The following PPP1R3F variants were observed in gnomAD, a reference collection of about 807,000 sequenced individuals.
PPP1R3F encodes protein phosphatase 1, regulatory (inhibitor) subunit 3F.
In PPP1R3F, 29 loss-of-function variants were observed where a neutral mutation model predicts 24.2. The ratio of observed to expected loss-of-function variants is 1.20; its 90% CI spans 0.89 to 1.63. The LOEUF is 1.63. Ranked by LOEUF, PPP1R3F falls within the 40% of genes most tolerant of loss-of-function variation. The pLI is 0.00. For synonymous variants in PPP1R3F, 363 were observed against 340.1 expected (o/e 1.07, Z -0.74); for missense variants, 823 against 729.3 (o/e 1.13, Z -1.48).
At chrX:49,292,185 T>C (rs1557122443), downstream of PPP1R3F, among the ~76,000 whole-genome samples, 1 of 111,374 alleles carries the variant, frequency 9.0e-6, no homozygotes, top group Admixed American at 9.5e-5. Context: ...TGGGTGTCCC[T>C]TGGAGCCTCC....
chrX:49,275,995 G>C (rs1557119976), intron 1 of PPP1R3F, among the ~76,000 whole-genome samples: 2 of 112,346 alleles, frequency 1.8e-5, no homozygotes. Flanking sequence ...ACAAGTCAGG[G>C]GCATCTTAGT....
chrX:49,270,558 C>T lies in PPP1R3F; in HGVS notation c.689C>T (p.Ser230Phe). 1 of 1,203,482 alleles carries T rather than the reference C, an allele frequency of 8.3e-7. No homozygotes were observed. Among genetic ancestry groups the T allele is most frequent in the Non-Finnish European group, 1.1e-6 (1 of 893,991 alleles). Residue 230 changes from serine (S) to phenylalanine (F), a missense_variant, in exon 1 of 4, where the codon TCC becomes TTC. By Grantham distance (155) the Ser-to-Phe change is radical. Coordinates refer to ENST00000055335, the MANE Select transcript of PPP1R3F (RefSeq NM_033215.5). ...CTCGGCCTGGGTCCCGGCCAGGCAT[C>T]CGCCTCCTCGCCCGACGACGGCGGC... ...PGLGLGPGQASASSPDDGGRT... is the reference protein window; with the variant it reads ...PGLGLGPGQAFASSPDDGGRT...
chrX:49,270,696 A>G lies in PPP1R3F; in HGVS notation c.827A>G (p.Asn276Ser), dbSNP rs2066172538. 5.0e-6 allele frequency: 6 copies of G among 1,208,556 alleles called. No homozygotes were observed. Among genetic ancestry groups the G allele is most frequent in the Non-Finnish European group, 6.7e-6 (6 of 894,057 alleles). The change falls in exon 1 of 4, where the codon AAC (asparagine) becomes AGC (serine). Residue 276 changes from asparagine (N) to serine (S), a missense_variant. Physicochemically the swap from Asn to Ser is conservative, Grantham distance 46 (BLOSUM62 1). Coordinates refer to ENST00000055335, the MANE Select transcript of PPP1R3F (RefSeq NM_033215.5). ...ETPEGTFWAN[N>S]HGRNYTVLLR... ...CCTGAGGGCACTTTCTGGGCCAACA[A>G]CCACGGCCGCAACTACACAGTCCTG... is the stretch of plus-strand genomic sequence containing the variant.
intron 1 of PPP1R3F, chrX:49,274,280 A>C (rs1328647310): frequency 1.8e-5 from 2 of 111,386 alleles, no homozygotes; most frequent in Non-Finnish European, 3.8e-5. Flanking sequence ...GAAGTGTCCT[A>C]TTCTTCTTAA....
chrX:49,292,971 A>G (rs1158476664), downstream of PPP1R3F, among the ~76,000 whole-genome samples: 1 of 112,190 alleles, frequency 8.9e-6, no homozygotes, highest in Admixed American at 9.4e-5. Flanking sequence ...CACCTCAGGC[A>G]TGGCCGGGGC....
At chrX:49,295,852 T>C (rs1557122782) in intron 3 of PPP1R3F, among the ~76,000 whole-genome samples, 2 of 110,441 alleles carry the variant, frequency 1.8e-5, no homozygotes, top group Non-Finnish European at 3.8e-5. Flanking sequence ...ATATCCCATA[T>C]ACCCCTCACC....
Position 49,270,177 on chromosome X carries a change from C to G in PPP1R3F, c.308C>G (p.Pro103Arg). The G allele has an allele frequency of 9.2e-7, 1 of 1,092,716 alleles. No individual in the cohort carries two copies. Among genetic ancestry groups the G allele is most frequent in the Non-Finnish European group, 1.2e-6 (1 of 844,451 alleles). The allele number at this position is 1,092,716 out of a possible 1,213,427, so 90.1% of individuals were successfully genotyped here. Reference protein sequence around the residue: ...EEEEACPEPSPLCPVPAGGGF... With the variant: ...EEEEACPEPSRLCPVPAGGGF... ...GAGGAGGCTTGCCCCGAGCCCTCAC[C>G]GCTGTGCCCCGTCCCCGCTGGCGGG... is the stretch of plus-strand genomic sequence containing the variant. Residue 103 changes from proline (P) to arginine (R), a missense_variant, in exon 1 of 4, where the codon CCG becomes CGG. Coordinates refer to ENST00000055335, the MANE Select transcript of PPP1R3F (RefSeq NM_033215.5).
In PPP1R3F at chrX:49,269,847, T is replaced by TCGGTGCCGCCGCCGC; in HGVS notation, c.-20_-6dup. ...CCCGCCGGTCCCGCCGCCGGTGCCG[T>TCGGTGCCGCCGCCGC]CGGTGCCGCCGCCGCCGCCGATATG... On this transcript the variant is annotated 5_prime_UTR_variant, in exon 1 of 4. Coordinates refer to ENST00000055335, the MANE Select transcript of PPP1R3F (RefSeq NM_033215.5). 9.1e-6 allele frequency: 8 copies of TCGGTGCCGCCGCCGC among 875,934 alleles called. No homozygotes were observed. The South Asian group carries it at 4.2e-4, about 46-fold the overall frequency. 72.2% of individuals were successfully genotyped at this position (875,934 alleles called of 1,213,427 possible).
chrX:49,270,354 C>T lies in PPP1R3F; in HGVS notation c.485C>T (p.Pro162Leu), dbSNP rs781886607. The T allele has an allele frequency of 4.4e-6, 5 of 1,145,811 alleles. No homozygotes were observed. The South Asian group carries it at 5.8e-5, about 13-fold the overall frequency. 94.4% of individuals were successfully genotyped at this position (1,145,811 alleles called of 1,213,427 possible). Residue 162 changes from proline to leucine, a missense_variant, in exon 1 of 4, where the codon CCG (proline) becomes CTG (leucine). Transcript: ENST00000055335. ...AGVWVPGGRPPVLRGLVRVLN... is the reference protein window; with the variant it reads ...AGVWVPGGRPLVLRGLVRVLN... Reference sequence around the variant, plus strand: ...GTGTGGGTGCCTGGGGGCCGCCCGCCGGTGCTGCGCGGGTTGGTACGCGTG... The same window carrying T: ...GTGTGGGTGCCTGGGGGCCGCCCGCTGGTGCTGCGCGGGTTGGTACGCGTG...
At chrX:49,288,800 G>A (rs781849943), downstream of PPP1R3F, among the ~76,000 whole-genome samples, 6 of 111,803 alleles carry the variant, frequency 5.4e-5, no homozygotes, top group East Asian at 1.7e-3. Context: ...ATTCTAAGTG[G>A]GTTTAAAGCC....
In PPP1R3F at chrX:49,270,773, C is replaced by T; in HGVS notation, c.904C>T (p.Gln302Ter). 1 of 1,197,210 alleles carries T rather than the reference C, an allele frequency of 8.4e-7. No homozygotes were observed. The highest frequency in any genetic ancestry group is 1.8e-5 in the South Asian group (1 of 55,123). ...CACTGATGCCGAAGGGCTGCCCCAG[C>T]AGCAGCAGCTGCCGCAGCTGGAGCC... Reference protein sequence around the residue: ...TPTDAEGLPQQQQLPQLEPQP... With the variant: ...TPTDAEGLPQ Residue 302 changes from glutamine (Q) to a stop codon, truncating the protein, a stop_gained, in exon 1 of 4, where the codon CAG becomes TAG. Coordinates refer to ENST00000055335, the MANE Select transcript of PPP1R3F (RefSeq NM_033215.5). LOFTEE classifies it high-confidence loss of function.
chrX:49,272,456 T>G (rs917191504), intron 1 of PPP1R3F, among the ~76,000 whole-genome samples: 2 of 112,500 alleles, frequency 1.8e-5, no homozygotes, highest in African/African-American at 6.5e-5. Flanking sequence ...GCATCTACTT[T>G]ACGGGATAAG....
chrX:49,286,206 G>A lies in PPP1R3F; in HGVS notation c.1516G>A (p.Gly506Ser). The change falls in exon 4 of 4, where the codon GGT becomes AGT. Residue 506 changes from glycine to serine, a missense_variant. Physicochemically the swap from Gly to Ser is moderately conservative, Grantham distance 56 (BLOSUM62 0). Transcript: ENST00000055335. ...CCGCCTACGGGCTGCTGTGGCTGCG[G>A]GTGGGGCAGGGGGTGGTGGGGAGGG... ...LSRLRAAVAA[G>S]GAGGGGEGST... 8.3e-7 allele frequency: 1 copy of A among 1,207,031 alleles called. No individual in the cohort carries two copies.
intron 3 of PPP1R3F, 72 bp from the exon 4 acceptor site, chrX:49,285,762 G>A: frequency 9.7e-7 from 1 of 1,035,974 alleles, no homozygotes; most frequent in Non-Finnish European, 1.3e-6. Flanking sequence ...TACTGTCTCT[G>A]CTTGTTCCAT....
chrX:49,282,244 A>G (rs1453995486), intron 3 of PPP1R3F, among the ~76,000 whole-genome samples, 181 bp downstream of exon 3: 2 of 111,697 alleles, frequency 1.8e-5, no homozygotes, highest in African/African-American at 3.3e-5. Context: ...GGCTTGTAGA[A>G]ATGTCATTTG....
At chrX:49,280,549 CT>C (rs782591947) in intron 1 of PPP1R3F, among the ~76,000 whole-genome samples, 6,749 of 79,508 alleles carry the variant, frequency 0.085, 696 homozygotes, top group African/African-American at 0.26. Flanking sequence ...GCGTCTGGCC[CT>C]TTTTTTTTTT....
intron 1 of PPP1R3F, among the ~76,000 whole-genome samples, chrX:49,276,724 A>C (rs1196821477): frequency 3.6e-5 from 4 of 111,798 alleles, no homozygotes; most frequent in African/African-American, 1.3e-4. Flanking sequence ...GGCACGAGAA[A>C]CTGCTCTCCC....
At chrX:49,296,941 G>A (rs782240628) in intron 3 of PPP1R3F, among the ~76,000 whole-genome samples, 4 of 110,988 alleles carry the variant, frequency 3.6e-5, no homozygotes, top group East Asian at 5.6e-4. Context: ...CAAATTATGT[G>A]GTCAATTTTA....
chrX:49,274,040 G>C (rs2066197259), intron 1 of PPP1R3F: 1 of 112,822 alleles, frequency 8.9e-6, no homozygotes. Flanking sequence ...GAGTACAGAG[G>C]ATTTGTTGTA....
Sources: allele counts gnomAD v4.1 joint callset (sites outside exome capture counted in the v4.1 genomes callset), GRCh38; gene constraint gnomAD v4.1.1; transcripts MANE v1.5; gene names NCBI Gene and HGNC (gene_info 2026-07-23, HGNC 2026-07-21).